CYP3A7: variants seen among roughly 807,000 people sequenced by gnomAD.
The protein encoded by CYP3A7 is cytochrome P450 family 3 subfamily A member 7.
In CYP3A7, 45 loss-of-function variants were observed where a neutral mutation model predicts 55.2. The ratio of observed to expected loss-of-function variants is 0.82; its 90% CI spans 0.64 to 1.05. The LOEUF (loss-of-function observed/expected upper bound fraction) is 1.05. CYP3A7 is among the 50% of genes least tolerant of loss of function. The pLI, the probability that CYP3A7 is intolerant of heterozygous loss-of-function variation, is 0.00. For synonymous variants in CYP3A7, 180 were observed against 207.4 expected (o/e 0.87, Z 1.13); for missense variants, 548 against 605.3 (o/e 0.91, Z 0.99).
At position 99,717,599 on chromosome 7, in the gene CYP3A7, A is replaced by G; in HGVS notation, c.359T>C (p.Ile120Thr). The change falls in exon 5 of 13, where the codon ATA becomes ACA. Residue 120 changes from isoleucine to threonine, a missense_variant. Ile to Thr is a moderately conservative substitution (Grantham distance 89, BLOSUM62 -1). Transcript: ENST00000336374. ...PVGFMKNAIS[I>T]AEDEEWKRIR... is the part of the protein sequence containing the mutation. ...TCTCTTCCATTCTTCATCCTCAGCT[A>G]TAGAGATGGCATTTTTCATAAATCC... 1.2e-6 allele frequency: 2 copies of G among 1,613,700 alleles called. No individual in the cohort carries two copies. The highest frequency in any genetic ancestry group is 1.7e-6 in the Non-Finnish European group (2 of 1,179,776).
chr7:99,723,807 C>T (rs1250850019), intron 2 of CYP3A7, among the ~76,000 whole-genome samples: 3 of 152,172 alleles, frequency 2.0e-5, no homozygotes, highest in African/African-American at 7.2e-5. Context: ...CTTTCCCTTT[C>T]TGGTAGAGAC....
intron 12 of CYP3A7, among the ~76,000 whole-genome samples, chr7:99,707,280 T>C (rs1813560750): frequency 6.6e-6 from 1 of 152,200 alleles, no homozygotes; most frequent in African/African-American, 2.4e-5. Flanking sequence ...TTTTCCACCT[T>C]GGCTTCACAT....
rs771294954 is a variant in CYP3A7 at position 99,705,580 on chromosome 7, G to A, written c.1432C>T (p.Arg478Cys). 1.9e-5 allele frequency: 30 copies of A among 1,613,116 alleles called. No homozygotes were observed. Among genetic ancestry groups the A allele is most frequent in the East Asian group, 1.6e-4 (7 of 44,850 alleles). Residue 478 changes from arginine (R) to cysteine (C), a missense_variant, in exon 13 of 13, where the codon CGC becomes TGC. Transcript: ENST00000336374. Reference protein sequence around the residue: ...CKETQIPLKLRFGGLLLTEKP... With the variant: ...CKETQIPLKLCFGGLLLTEKP... ...TCTGTTAGAAGAAGTCCTCCAAAGC[G>A]TAATTTCAGGGGGATCTGCAACAGT...
chr7:99,705,362 C>G lies in CYP3A7; in HGVS notation c.*138G>C. 1 of 994,576 alleles carries G rather than the reference C, an allele frequency of 1.0e-6. No homozygotes were observed. Among genetic ancestry groups the G allele is most frequent in the Non-Finnish European group, 1.5e-6 (1 of 653,452 alleles). 61.6% of individuals were successfully genotyped at this position (994,576 alleles called of 1,614,324 possible). ...ACCATGAGAGAGCACAATGCACGTA[C>G]AGAATCCCTGATTATTTATGCAGCA... On this transcript the variant is annotated 3_prime_UTR_variant, in exon 13 of 13. Transcript: ENST00000336374.
rs1474466025 is a variant in CYP3A7 at position 99,715,624 on chromosome 7, GTACATATCTTCAAATGTAC to G, written c.670+115_670+133del. On this transcript the variant is annotated intron_variant, in intron 7 of 12. Coordinates refer to ENST00000336374, the MANE Select transcript of CYP3A7 (RefSeq NM_000765.5). ...TTTAAAGTTTACAATGGTGATGGTC[GTACATATCTTCAAATGTAC>G]TACAAACCATTAAACTGTACATTTT... 2.7e-6 allele frequency: 4 copies of G among 1,464,836 alleles called. No individual in the cohort carries two copies. In the African/African-American group the frequency reaches 5.6e-5, roughly 21 times the overall value. The allele number at this position is 1,464,836 out of a possible 1,614,324, so 90.7% of individuals were successfully genotyped here.
intron 10 of CYP3A7, among the ~76,000 whole-genome samples, chr7:99,709,533 T>G (rs1813664924): frequency 6.6e-6 from 1 of 152,188 alleles, no homozygotes; most frequent in South Asian, 2.1e-4. Context: ...GTAGTGGTTT[T>G]TCTTTCTCAT....
At chr7:99,725,090 C>G (rs376813378) in intron 2 of CYP3A7, among the ~76,000 whole-genome samples, 2 of 152,090 alleles carry the variant, frequency 1.3e-5, no homozygotes, top group East Asian at 1.9e-4. Flanking sequence ...GGTCTCCTGC[C>G]TAGTCAAGGG....
chr7:99,713,286 T>C (rs1170439533), intron 9 of CYP3A7, among the ~76,000 whole-genome samples, 183 bp downstream of exon 9: 1 of 152,162 alleles, frequency 6.6e-6, no homozygotes, highest in Non-Finnish European at 1.5e-5. Context: ...GCTTAGAACA[T>C]GGCTATCTAT....
intron 2 of CYP3A7, among the ~76,000 whole-genome samples, chr7:99,724,603 C>A (rs1814334895): frequency 6.6e-6 from 1 of 152,078 alleles, no homozygotes; most frequent in Admixed American, 6.5e-5. Flanking sequence ...GGTCCCAATT[C>A]TTCCTCATCC....
chr7:99,709,876 C>T (rs148676370), intron 10 of CYP3A7, among the ~76,000 whole-genome samples: 3,233 of 152,084 alleles, frequency 0.021, 53 homozygotes, highest in Non-Finnish European at 0.032. Flanking sequence ...TATATAAAAT[C>T]TCTATCAATA....
At chr7:99,734,052 A>T (rs946244205) in intron 1 of CYP3A7, among the ~76,000 whole-genome samples, 2 of 152,234 alleles carry the variant, frequency 1.3e-5, no homozygotes, top group African/African-American at 2.4e-5. Flanking sequence ...CAGAAGGAAC[A>T]TGCTGGAAAT....
rs140204033 is a variant in CYP3A7 at position 99,708,659 on chromosome 7, C to T, written c.1253+376G>A. On this transcript the variant is annotated intron_variant, in intron 11 of 12. Coordinates refer to ENST00000336374, the MANE Select transcript of CYP3A7 (RefSeq NM_000765.5). Reference sequence around the variant, plus strand: ...ACCTATAAATTCTTTGAAGATTAGACGCATGTTTTTTATTCAAATTTGATT... The same window carrying T: ...ACCTATAAATTCTTTGAAGATTAGATGCATGTTTTTTATTCAAATTTGATT... Among the ~76,000 whole-genome samples, 480 of 152,244 alleles carry T rather than the reference C, an allele frequency of 3.2e-3. 1 individual carries two copies. Among genetic ancestry groups the T allele is most frequent in the African/African-American group, 9.4e-3 (390 of 41,560 alleles).
At position 99,715,530 on chromosome 7, in the gene CYP3A7, C is replaced by T. The variant is rs183219185; in HGVS notation, c.670+228G>A. 2.0e-4 allele frequency: 131 copies of T among 665,686 alleles called. No individual in the cohort carries two copies. In the East Asian group the frequency reaches 2.2e-3, roughly 11 times the overall value. The allele number at this position is 665,686 out of a possible 1,614,324, so 41.2% of individuals were successfully genotyped here. A position where few individuals can be genotyped will look rare whatever the true frequency, so the allele number is the denominator to read the frequency against. On this transcript the variant is annotated intron_variant, in intron 7 of 12. Coordinates refer to ENST00000336374, the MANE Select transcript of CYP3A7 (RefSeq NM_000765.5). Reference sequence around the variant, plus strand: ...CAGAAAGTTGACTAGTGGTTATATACGACAACAGGATTTCTGGCAGGGGGT... The same window carrying T: ...CAGAAAGTTGACTAGTGGTTATATATGACAACAGGATTTCTGGCAGGGGGT...
intron 12 of CYP3A7, among the ~76,000 whole-genome samples, chr7:99,706,211 T>C (rs996945372): frequency 6.6e-6 from 1 of 152,206 alleles, no homozygotes; most frequent in Non-Finnish European, 1.5e-5. Flanking sequence ...TCAACTTTTC[T>C]TATTGAGACA....
chr7:99,711,784 C>CAAA (rs964676501), intron 9 of CYP3A7, among the ~76,000 whole-genome samples: 16 of 151,632 alleles, frequency 1.1e-4, no homozygotes, highest in Admixed American at 3.3e-4. Flanking sequence ...CAAAACAAAA[C>CAAA]AACAACAACA....
intron 4 of CYP3A7, among the ~76,000 whole-genome samples, chr7:99,718,081 A>G (rs1222139170): frequency 6.6e-6 from 1 of 152,020 alleles, no homozygotes; most frequent in Admixed American, 6.6e-5. Flanking sequence ...ATGAGAACAC[A>G]TGGACACAGG....
intron 2 of CYP3A7, among the ~76,000 whole-genome samples, chr7:99,726,296 T>TTATCC (rs1458952066): frequency 6.6e-6 from 1 of 152,184 alleles, no homozygotes; most frequent in Non-Finnish European, 1.5e-5. Flanking sequence ...TTGAAGCCTG[T>TTATCC]TATCACTCAC....
At chr7:99,708,016 A>G in intron 11 of CYP3A7, 42 bp from the exon 12 acceptor site, 1 of 1,613,176 alleles carries the variant, frequency 6.2e-7, no homozygotes, top group Non-Finnish European at 8.5e-7. Flanking sequence ...TAAAGACATA[A>G]TACCTCTAAG....
intron 2 of CYP3A7, among the ~76,000 whole-genome samples, chr7:99,726,445 T>G (rs1378748362): frequency 6.6e-6 from 1 of 152,216 alleles, no homozygotes; most frequent in Non-Finnish European, 1.5e-5. Context: ...ATCCACCCTG[T>G]GGTGCCCAAC....
Sources: allele counts gnomAD v4.1 joint callset (sites outside exome capture counted in the v4.1 genomes callset), GRCh38; gene constraint gnomAD v4.1.1; transcripts MANE v1.5; gene names NCBI Gene and HGNC (gene_info 2026-07-23, HGNC 2026-07-21).